QTMAN: variants seen among roughly 807,000 people sequenced by gnomAD.
The protein encoded by QTMAN is tRNA-queuosine alpha-mannosyltransferase.
chr2:144,234,616 C>T, the QTMAN span, among the ~76,000 whole-genome samples: 1 of 152,146 alleles, frequency 6.6e-6, no homozygotes, highest in Non-Finnish European at 1.5e-5. Flanking sequence ...CTAGTCCTTT[C>T]CTCCTGCACA....
At chr2:144,314,811 CAT>C in the QTMAN span, among the ~76,000 whole-genome samples, 28 of 152,238 alleles carry the variant, frequency 1.8e-4, no homozygotes, top group Admixed American at 1.7e-3. Flanking sequence ...GGTGTACACA[CAT>C]GTCAAAATTC....
the QTMAN span, among the ~76,000 whole-genome samples, chr2:144,015,269 C>T: frequency 2.0e-5 from 3 of 152,156 alleles, no homozygotes; most frequent in African/African-American, 7.2e-5. Context: ...CAACAAAACT[C>T]TCTCGTTTAC....
chr2:144,182,356 A>G, the QTMAN span, among the ~76,000 whole-genome samples: 6 of 152,032 alleles, frequency 3.9e-5, no homozygotes, highest in Non-Finnish European at 8.8e-5. Flanking sequence ...ATACCTTAGA[A>G]GTGGACGGGC....
the QTMAN span, among the ~76,000 whole-genome samples, chr2:144,015,219 C>G: frequency 2.0e-5 from 3 of 152,126 alleles, no homozygotes; most frequent in Non-Finnish European, 4.4e-5. Flanking sequence ...TCACTTCTCA[C>G]GATCCCCACT....
chr2:144,007,143 G>T, the QTMAN span: 1 of 1,183,656 alleles, frequency 8.4e-7, no homozygotes, highest in Non-Finnish European at 1.2e-6. Context: ...TCTTTTACCA[G>T]TTCTACAACT....
At chr2:144,007,570 G>A in the QTMAN span, 4 of 1,384,268 alleles carry the variant, frequency 2.9e-6, no homozygotes, top group Admixed American at 2.4e-5. Flanking sequence ...TACTTTTAGT[G>A]GAAAAAAATA....
At chr2:144,218,923 A>G in the QTMAN span, among the ~76,000 whole-genome samples, 1 of 150,956 alleles carries the variant, frequency 6.6e-6, no homozygotes, top group African/African-American at 2.4e-5. Context: ...TCTAAAAAAA[A>G]AAAAAAAAAA....
chr2:144,301,666 C>T, the QTMAN span, among the ~76,000 whole-genome samples: 3 of 152,140 alleles, frequency 2.0e-5, no homozygotes, highest in African/African-American at 4.8e-5. Context: ...GGATCATGTA[C>T]AAAATACAGC....
the QTMAN span, among the ~76,000 whole-genome samples, chr2:143,954,874 T>C: frequency 6.6e-6 from 1 of 152,284 alleles, no homozygotes; most frequent in South Asian, 2.1e-4. Context: ...AAAAGACTAG[T>C]AAATGACCTT....
At chr2:144,180,600 T>C in the QTMAN span, among the ~76,000 whole-genome samples, 1 of 152,226 alleles carries the variant, frequency 6.6e-6, no homozygotes, top group Non-Finnish European at 1.5e-5. Context: ...ATTACAATTT[T>C]AAATCCAATA....
chr2:144,229,125 A>G, the QTMAN span, among the ~76,000 whole-genome samples: 1 of 152,208 alleles, frequency 6.6e-6, no homozygotes, highest in Admixed American at 6.5e-5. Flanking sequence ...GCATTATTGT[A>G]TTATTTAATA....
chr2:144,309,745 T>A, the QTMAN span, among the ~76,000 whole-genome samples: 5 of 152,236 alleles, frequency 3.3e-5, no homozygotes, highest in Non-Finnish European at 7.3e-5. Context: ...CATTTTACTA[T>A]ATGCAAATTA....
At chr2:144,202,572 T>C in the QTMAN span, among the ~76,000 whole-genome samples, 1 of 152,316 alleles carries the variant, frequency 6.6e-6, no homozygotes, top group Admixed American at 6.5e-5. Flanking sequence ...CCTTATTCTA[T>C]AGTCAGAGGT....
chr2:144,137,282 T>C, the QTMAN span, among the ~76,000 whole-genome samples: 14 of 152,302 alleles, frequency 9.2e-5, no homozygotes, highest in South Asian at 1.7e-3. Context: ...ATCCTTTTGA[T>C]GTACAAGCTG....
At chr2:144,283,281 C>T in the QTMAN span, among the ~76,000 whole-genome samples, 1 of 152,078 alleles carries the variant, frequency 6.6e-6, no homozygotes, top group Non-Finnish European at 1.5e-5. Flanking sequence ...GTCACTATCT[C>T]CAGGCAGATA....
chr2:144,118,263 C>G, the QTMAN span, among the ~76,000 whole-genome samples: 1 of 152,162 alleles, frequency 6.6e-6, no homozygotes, highest in Non-Finnish European at 1.5e-5. Flanking sequence ...ATTTTCTCAT[C>G]TGTCTTCAAC....
chr2:144,227,254 C>T, the QTMAN span, among the ~76,000 whole-genome samples: 1 of 152,036 alleles, frequency 6.6e-6, no homozygotes, highest in Admixed American at 6.5e-5. Flanking sequence ...ATAAGTACTA[C>T]AAAATATCTT....
chr2:144,058,388 A>G, the QTMAN span, among the ~76,000 whole-genome samples: 1 of 152,234 alleles, frequency 6.6e-6, no homozygotes, highest in South Asian at 2.1e-4. Flanking sequence ...AAATAAAATA[A>G]AATAAATTTA....
the QTMAN span, among the ~76,000 whole-genome samples, chr2:144,180,197 C>T: frequency 1.9e-4 from 29 of 152,264 alleles, no homozygotes; most frequent in African/African-American, 6.5e-4. Flanking sequence ...ATGCACTGAA[C>T]GCTCACTGTT....
Sources: allele counts gnomAD v4.1 joint callset (sites outside exome capture counted in the v4.1 genomes callset), GRCh38; gene constraint gnomAD v4.1.1; transcripts MANE v1.5; gene names NCBI Gene and HGNC (gene_info 2026-07-23, HGNC 2026-07-21).